Variants in PSG6 observed in about 807,000 individuals in gnomAD.
PSG6 encodes the protein pregnancy specific beta-1-glycoprotein 6.
Under a neutral mutation model 43.3 loss-of-function variants are expected in PSG6, and 51 were observed. The observed-to-expected ratio is 1.18, with a 90% CI of 0.94 to 1.49. The LOEUF (loss-of-function observed/expected upper bound fraction) is 1.49. Among genes scored for constraint, PSG6 ranks in the 40% most tolerant of loss-of-function variants. The probability of loss-of-function intolerance (pLI) is 0.00; values close to 1 mark genes in which losing one functional copy is unlikely to be tolerated. For missense variants in PSG6, 770 were observed against 522.2 expected, an observed-to-expected ratio of 1.47 and a Z score of -4.62; for synonymous variants, 292 against 197.6, an observed-to-expected ratio of 1.48 and a Z score of -4.01.
chr19:42,916,628 A>ACACACACACACAC (rs1972341005), intron 1 of PSG6, 141 bp from the exon 2 acceptor site: 1 of 1,294,126 alleles, frequency 7.7e-7, no homozygotes, highest in African/African-American at 1.5e-5. Flanking sequence ...ACACACACAA[A>ACACACACACACAC]AGGGCATGTG....
intron 5 of PSG6, 95 bp from the exon 6 acceptor site, chr19:42,902,541 A>G (rs1466451560): frequency 1.3e-6 from 2 of 1,535,856 alleles, no homozygotes; most frequent in Middle Eastern, 1.8e-4. Flanking sequence ...AAGGGTGTGA[A>G]AGCAAGTCTA....
In PSG6 at chr19:42,906,382, T is replaced by C. The variant is rs183697094; in HGVS notation, c.1240+540A>G. Reference sequence around the variant, plus strand: ...CACCAGGGCCCTTTCTCCACACATGTTGGTTCCACCCCAGGTGGAGTCAGG... The same window carrying C: ...CACCAGGGCCCTTTCTCCACACATGCTGGTTCCACCCCAGGTGGAGTCAGG... On this transcript the variant is annotated intron_variant, in intron 5 of 5. Coordinates refer to ENST00000187910, the MANE Select transcript of PSG6 (RefSeq NM_001031850.4). Among the ~76,000 whole-genome samples the C allele has an allele frequency of 1.8e-4, 27 of 151,478 alleles. 2 individuals are homozygous for C. In the East Asian group the frequency reaches 3.3e-3, roughly 19 times the overall value.
rs553753622 is a variant in PSG6 at position 42,913,725 on chromosome 19, T to A, written c.427+2400A>T. 2.0e-5 allele frequency among the ~76,000 whole-genome samples: 3 copies of A among 151,824 alleles called. No homozygotes were observed. In the South Asian group the frequency reaches 6.3e-4, roughly 32 times the overall value. On this transcript the variant is annotated intron_variant, in intron 2 of 5. Coordinates refer to ENST00000187910, the MANE Select transcript of PSG6 (RefSeq NM_001031850.4). Reference sequence around the variant, plus strand: ...ATTGGTCTTTTGAAATGTTTCTCATTCTTTTGCCTTCTGACAACCGGCTGA... The same window carrying A: ...ATTGGTCTTTTGAAATGTTTCTCATACTTTTGCCTTCTGACAACCGGCTGA...
At chr19:42,910,886 C>T in intron 2 of PSG6, 28 bp from the exon 3 acceptor site, 2 of 1,582,524 alleles carry the variant, frequency 1.3e-6, no homozygotes, top group Non-Finnish European at 8.6e-7. Context: ...AGAAGATTGC[C>T]CTGTGTGGCA....
intron 1 of PSG6, 63 bp from the exon 2 acceptor site, chr19:42,916,550 C>T (rs1173591937): frequency 5.8e-6 from 9 of 1,553,728 alleles, no homozygotes; most frequent in Non-Finnish European, 7.8e-6. Context: ...AAAGATGGGG[C>T]CCTGTGTCCT....
intron 2 of PSG6, among the ~76,000 whole-genome samples, chr19:42,913,443 C>A (rs1290842798): frequency 6.6e-6 from 1 of 151,812 alleles, no homozygotes; most frequent in Non-Finnish European, 1.5e-5. Flanking sequence ...CTGTGCCCAG[C>A]CATCTCTGAA....
intron 5 of PSG6, among the ~76,000 whole-genome samples, chr19:42,904,158 A>C (rs1281131988): frequency 6.6e-6 from 1 of 151,678 alleles, no homozygotes; most frequent in African/African-American, 2.4e-5. Context: ...CCACCTCAAC[A>C]TAAAGGCAAT....
intron 1 of PSG6, among the ~76,000 whole-genome samples, chr19:42,917,463 A>C (rs149847949): frequency 0.014 from 1,982 of 144,870 alleles, 67 homozygotes; most frequent in African/African-American, 0.049. Context: ...TCCTGGGTTC[A>C]TGTGATTATC....
intron 2 of PSG6, among the ~76,000 whole-genome samples, chr19:42,911,503 C>G (rs1246930105): frequency 6.6e-6 from 1 of 151,542 alleles, no homozygotes; most frequent in Admixed American, 6.6e-5. Context: ...AAAGATAGAG[C>G]AGAGTCCAAG....
intron 5 of PSG6, among the ~76,000 whole-genome samples, chr19:42,904,709 T>G (rs937242780): frequency 6.6e-6 from 1 of 151,702 alleles, no homozygotes; most frequent in African/African-American, 2.4e-5. Context: ...AGGAGGACAG[T>G]GCTGCCCAAA....
At position 42,907,114 on chromosome 19, in the gene PSG6, C is replaced by T. The variant is rs1065522; in HGVS notation, c.1048G>A (p.Asp350Asn). Reference protein sequence around the residue: ...FTYYRSGENLDLSCFADSNPP... With the variant: ...FTYYRSGENLNLSCFADSNPP... ...TTAGAGTCCGCAAAGCAGGACAAGT[C>T]GAGGTTTTCTCCTGAACGGTAATAG... Residue 350 changes from aspartate (D) to asparagine (N), a missense_variant, in exon 5 of 6, where the codon GAC becomes AAC. Physicochemically the swap from Asp to Asn is conservative, Grantham distance 23. Coordinates refer to ENST00000187910, the MANE Select transcript of PSG6 (RefSeq NM_001031850.4). The T allele has an allele frequency of 5.6e-6, 9 of 1,612,544 alleles. No homozygotes were observed. The highest frequency in any genetic ancestry group is 3.3e-5 in the Admixed American group (2 of 59,902).
In PSG6 at chr19:42,910,709, G is replaced by T. The variant is rs368412072; in HGVS notation, c.577C>A (p.Gln193Lys). The T allele has an allele frequency of 1.7e-5, 28 of 1,612,244 alleles. 1 individual carries two copies. The African/African-American group carries it at 2.8e-4, about 16-fold the overall frequency. The change falls in exon 3 of 6, where the codon CAG becomes AAG. Residue 193 changes from glutamine to lysine, a missense_variant. Transcript: ENST00000187910. ...GQNLPMTHRL[Q>K]LSKTNRTLYL... ...AGGGTCCTGTTGGTTTTGGACAGCTGCAACCTGTGAGTCATAGGGAGGTTC... is the reference window on the plus strand; with the variant it reads ...AGGGTCCTGTTGGTTTTGGACAGCTTCAACCTGTGAGTCATAGGGAGGTTC...
At chr19:42,909,213 T>C (rs1007633908) in intron 3 of PSG6, among the ~76,000 whole-genome samples, 2 of 151,624 alleles carry the variant, frequency 1.3e-5, no homozygotes, top group African/African-American at 4.8e-5. Flanking sequence ...GCCCTTTTTT[T>C]TCTCTCACCA....
intron 2 of PSG6, among the ~76,000 whole-genome samples, chr19:42,913,865 CA>C (rs1302983651): frequency 6.6e-6 from 1 of 151,438 alleles, no homozygotes; most frequent in Non-Finnish European, 1.5e-5. Context: ...CACCAATCAG[CA>C]GTACTCATTT....
chr19:42,906,648 T>G (rs1417455575), intron 5 of PSG6: 3 of 1,394,886 alleles, frequency 2.2e-6, no homozygotes, highest in African/African-American at 1.5e-5. Flanking sequence ...TTCTTGTCCC[T>G]CTGTGAAGCC....
chr19:42,906,180 C>A (rs1389802799), intron 5 of PSG6, among the ~76,000 whole-genome samples: 1 of 151,644 alleles, frequency 6.6e-6, no homozygotes, highest in African/African-American at 2.4e-5. Flanking sequence ...CAGTCACTGT[C>A]CTCCGTGCTG....
intron 5 of PSG6, chr19:42,903,692 C>G: frequency 6.6e-7 from 1 of 1,515,620 alleles, no homozygotes; most frequent in Non-Finnish European, 8.9e-7. Flanking sequence ...GTGTTTGGAC[C>G]AGCATAGGTA....
At position 42,902,094 on chromosome 19, in the gene PSG6, T is replaced by C. The variant is rs780761295; in HGVS notation, c.*318A>G. Reference sequence around the variant, plus strand: ...AGAGAGCAGATTCTTACTGAACTTGTGCAAATAACTTTATTACCATAAACC... The same window carrying C: ...AGAGAGCAGATTCTTACTGAACTTGCGCAAATAACTTTATTACCATAAACC... On this transcript the variant is annotated 3_prime_UTR_variant, in exon 6 of 6. Transcript: ENST00000187910. The C allele has an allele frequency of 6.6e-5, 17 of 258,138 alleles. No homozygotes were observed. Among genetic ancestry groups the C allele is most frequent in the Non-Finnish European group, 1.3e-4 (17 of 133,472 alleles). 16.0% of individuals were successfully genotyped at this position (258,138 alleles called of 1,614,324 possible).
intron 5 of PSG6, 111 bp from the exon 6 acceptor site, chr19:42,902,557 C>G: frequency 6.9e-7 from 1 of 1,458,886 alleles, no homozygotes; most frequent in East Asian, 2.3e-5. Flanking sequence ...GTCTAGTTCT[C>G]CGAGGCTCTC....
Sources: allele counts gnomAD v4.1 joint callset (sites outside exome capture counted in the v4.1 genomes callset), GRCh38; gene constraint gnomAD v4.1.1; transcripts MANE v1.5; gene names NCBI Gene and HGNC (gene_info 2026-07-23, HGNC 2026-07-21).